Variants in GLIS3 observed in about 807,000 individuals in gnomAD.
GLIS3 encodes zinc finger protein GLIS3.
A neutral mutation model predicts 78.6 loss-of-function variants in GLIS3; 53 were observed. The ratio of observed to expected loss-of-function variants is 0.67; its 90% CI spans 0.54 to 0.85. The LOEUF (loss-of-function observed/expected upper bound fraction) is 0.85. GLIS3 is among the 40% of genes least tolerant of loss of function. The pLI is 0.00. For missense variants in GLIS3, 1,703 were observed against 1,231.1 expected (o/e 1.38, Z -5.74); for synonymous variants, 684 against 509.9 (o/e 1.34, Z -4.60).
intron 2 of GLIS3, among the ~76,000 whole-genome samples, chr9:4,319,850 T>C (rs73386232): frequency 6.6e-6 from 1 of 152,122 alleles, no homozygotes; most frequent in African/African-American, 2.4e-5. Flanking sequence ...TGAAATATAC[T>C]TGATCAGTAA....
In GLIS3 at chr9:3,993,806, G is replaced by A. The variant is rs149879551; in HGVS notation, c.1711-56617C>T. ...ACTGCTAGATTACTATTGGCCTACT[G>A]TTGTATTACTGCTGGTGTCACAAAA... On this transcript the variant is annotated intron_variant, in intron 4 of 10. Coordinates refer to ENST00000381971, the MANE Select transcript of GLIS3 (RefSeq NM_001042413.2). Among the ~76,000 whole-genome samples the A allele has an allele frequency of 5.0e-4, 76 of 152,264 alleles. No homozygotes were observed. The East Asian group carries it at 0.012, about 23-fold the overall frequency.
intron 2 of GLIS3, among the ~76,000 whole-genome samples, chr9:4,231,213 G>A (rs1204794174): frequency 2.0e-5 from 3 of 152,078 alleles, no homozygotes; most frequent in Non-Finnish European, 4.4e-5. Flanking sequence ...AAGAATCTTA[G>A]AAAATAAAAG....
At chr9:4,348,804 C>T (rs901342148), upstream of GLIS3, among the ~76,000 whole-genome samples, 2 of 152,014 alleles carry the variant, frequency 1.3e-5, no homozygotes, top group African/African-American at 4.8e-5. Flanking sequence ...GATATAAGCT[C>T]AATATGATTC....
the GLIS3 span, among the ~76,000 whole-genome samples, chr9:4,395,582 C>T: frequency 5.9e-5 from 9 of 152,132 alleles, no homozygotes; most frequent in Admixed American, 2.6e-4. Context: ...TCCTTCGTCC[C>T]TGGCCTCTAC....
intron 8 of GLIS3, among the ~76,000 whole-genome samples, chr9:3,856,437 G>A (rs1054127597): frequency 1.3e-5 from 2 of 152,144 alleles, no homozygotes; most frequent in Admixed American, 1.3e-4. Context: ...CACAGTTTGG[G>A]TTTCTCAAGA....
rs547320506 is a variant in GLIS3, at chr9:4,292,587, C to A, written c.-98-6064G>T. Reference sequence around the variant, plus strand: ...GTTTGACATTTTTGGCTTTATAAAACGTAAGGATTCAATGATACAAAGCTT... The same window carrying A: ...GTTTGACATTTTTGGCTTTATAAAAAGTAAGGATTCAATGATACAAAGCTT... On this transcript the variant is annotated intron_variant, in intron 1 of 10. Coordinates refer to ENST00000381971, the MANE Select transcript of GLIS3 (RefSeq NM_001042413.2). Among the ~76,000 whole-genome samples the A allele has an allele frequency of 8.5e-5, 13 of 152,204 alleles. No homozygotes were observed. The South Asian group carries it at 2.7e-3, about 32-fold the overall frequency.
intron 4 of GLIS3, among the ~76,000 whole-genome samples, chr9:4,054,083 CTTCAAAAGGTCTAACTCCTTCGAAGA>C (rs1398056467): frequency 6.6e-6 from 1 of 152,172 alleles, no homozygotes; most frequent in Non-Finnish European, 1.5e-5. Context: ...AGCACAAAGC[CTTCAAAAGGTCTAACTCCTTCGAAGA>C]TGAAGAGTTG....
the GLIS3 span, among the ~76,000 whole-genome samples, chr9:4,465,862 C>T: frequency 6.6e-6 from 1 of 152,232 alleles, no homozygotes; most frequent in African/African-American, 2.4e-5. Context: ...AGCCAGAAAA[C>T]ATAATTTAAA....
chr9:4,201,652 G>A (rs190880820), intron 2 of GLIS3, among the ~76,000 whole-genome samples: 211 of 151,582 alleles, frequency 1.4e-3, no homozygotes, highest in Non-Finnish European at 3.1e-4. Context: ...TCTACAACAA[G>A]AACTACAAAA....
At chr9:4,390,561 G>A in the GLIS3 span, among the ~76,000 whole-genome samples, 1 of 152,118 alleles carries the variant, frequency 6.6e-6, no homozygotes, top group Admixed American at 6.5e-5. Context: ...ACTGCAAGTA[G>A]GGTTTATACG....
Position 3,827,849 on chromosome 9 carries a change from A to G in GLIS3, c.*423T>C, listed in dbSNP as rs1194903707. 2 of 267,206 alleles carry G rather than the reference A, an allele frequency of 7.5e-6. No homozygotes were observed. The highest frequency in any genetic ancestry group is 1.5e-5 in the Non-Finnish European group (2 of 136,892). 16.6% of individuals were successfully genotyped at this position (267,206 alleles called of 1,614,324 possible). ...CTTTGCATCAGGAGCAGCAAGGGTG[A>G]GGATTAGGTGAGGCAGGTCACTATG... On this transcript the variant is annotated 3_prime_UTR_variant, in exon 11 of 11. Coordinates refer to ENST00000381971, the MANE Select transcript of GLIS3 (RefSeq NM_001042413.2).
At chr9:4,457,774 C>A in the GLIS3 span, among the ~76,000 whole-genome samples, 1 of 149,780 alleles carries the variant, frequency 6.7e-6, no homozygotes, top group African/African-American at 2.5e-5. Context: ...CACTTGAACC[C>A]GGGAGGCAGA....
At chr9:3,833,230 C>G (rs1563758396) in intron 9 of GLIS3, among the ~76,000 whole-genome samples, 1 of 152,140 alleles carries the variant, frequency 6.6e-6, no homozygotes, top group Non-Finnish European at 1.5e-5. Flanking sequence ...ACAGCCAACT[C>G]AAGAAAAGAA....
intron 6 of GLIS3, among the ~76,000 whole-genome samples, chr9:3,901,873 GAA>G (rs796770202): frequency 1.3e-5 from 2 of 151,268 alleles, no homozygotes; most frequent in African/African-American, 4.9e-5. Flanking sequence ...AGAAAAACTG[GAA>G]AAAAAAATTC....
At chr9:4,369,371 A>T in the GLIS3 span, among the ~76,000 whole-genome samples, 1 of 152,348 alleles carries the variant, frequency 6.6e-6, no homozygotes, top group Admixed American at 6.5e-5. Flanking sequence ...CATCTGTAAA[A>T]TAAGAACAAT....
intron 2 of GLIS3, among the ~76,000 whole-genome samples, chr9:4,143,613 G>C (rs1833982811): frequency 1.3e-5 from 2 of 152,086 alleles, no homozygotes; most frequent in South Asian, 4.2e-4. Flanking sequence ...ATAAATTTCA[G>C]GTAAACAATA....
chr9:3,833,459 C>A (rs574763104), intron 9 of GLIS3, among the ~76,000 whole-genome samples: 1 of 152,248 alleles, frequency 6.6e-6, no homozygotes, highest in African/African-American at 2.4e-5. Context: ...TTTCACATAG[C>A]AAATTTGGAA....
chr9:4,351,926 G>T (rs192557748), upstream of GLIS3, among the ~76,000 whole-genome samples: 3 of 152,288 alleles, frequency 2.0e-5, no homozygotes, highest in African/African-American at 7.2e-5. Flanking sequence ...AGTAGTGCCT[G>T]TATTTGAGTT....
At chr9:4,063,035 G>A (rs981633749) in intron 4 of GLIS3, among the ~76,000 whole-genome samples, 1 of 151,804 alleles carries the variant, frequency 6.6e-6, no homozygotes, top group African/African-American at 2.4e-5. Flanking sequence ...AAACTCTCTT[G>A]ACTCTTTATC....
Sources: allele counts gnomAD v4.1 joint callset (sites outside exome capture counted in the v4.1 genomes callset), GRCh38; gene constraint gnomAD v4.1.1; transcripts MANE v1.5; gene names NCBI Gene and HGNC (gene_info 2026-07-23, HGNC 2026-07-21).